The following TULP4 variants were observed in gnomAD, a reference collection of about 807,000 sequenced individuals.
The protein encoded by TULP4 is tubby-related protein 4.
Under a neutral mutation model 129.0 loss-of-function variants are expected in TULP4, and 16 were observed. That is an observed-to-expected ratio of 0.12 (90% CI 0.08 to 0.19). TULP4 has a LOEUF of 0.19. Among genes scored for constraint, TULP4 ranks in the 10% least tolerant of loss-of-function variants. The pLI is 1.00. For missense variants in TULP4, 1,842 were observed against 2,059.1 expected (o/e 0.89, Z 2.04); for synonymous variants, 998 against 854.0 (o/e 1.17, Z -2.94).
chr6:158,304,176 A>G (rs1779175004), intron 1 of TULP4, among the ~76,000 whole-genome samples: 1 of 152,178 alleles, frequency 6.6e-6, no homozygotes, highest in African/African-American at 2.4e-5. Flanking sequence ...CTGATACACC[A>G]TCCTGTCCCT....
chr6:158,371,387 G>A (rs12191776), intron 1 of TULP4, among the ~76,000 whole-genome samples: 16,347 of 152,202 alleles, frequency 0.11, 1,041 homozygotes, highest in Middle Eastern at 0.18. Context: ...CCTACTTCAG[G>A]AGCCAGTTCA....
In TULP4 at chr6:158,502,332, C is replaced by T; in HGVS notation, c.2669C>T (p.Thr890Ile). Residue 890 changes from threonine to isoleucine, a missense_variant, in exon 13 of 14, where the codon ACC becomes ATC. Thr to Ile is a moderately conservative substitution (Grantham distance 89). Transcript: ENST00000367097. ...CCCCTGGGCTATGAGAGGATCACCA[C>T]CTTCGACAGCAGTGGCAACGTGGAG... ...QTPLGYERITTFDSSGNVEEV... is the reference protein window; with the variant it reads ...QTPLGYERITIFDSSGNVEEV... 6.2e-7 allele frequency: 1 copy of T among 1,613,766 alleles called. No homozygotes were observed. The highest frequency in any genetic ancestry group is 8.5e-7 in the Non-Finnish European group (1 of 1,179,936).
At chr6:158,461,541 G>C (rs1462618987) in intron 5 of TULP4, 22 bp from the exon 6 acceptor site, 1 of 1,608,690 alleles carries the variant, frequency 6.2e-7, no homozygotes, top group South Asian at 1.1e-5. Context: ...TCCTTGTGCT[G>C]ACCCTCTCTC....
At chr6:158,349,144 G>C (rs1380320565) in intron 1 of TULP4, among the ~76,000 whole-genome samples, 1 of 142,056 alleles carries the variant, frequency 7.0e-6, no homozygotes, top group African/African-American at 2.7e-5. Context: ...GGGCAGCTGG[G>C]CAGATACACT....
In TULP4 at chr6:158,455,457, C is replaced by T. The variant is rs576024606; in HGVS notation, c.859+3189C>T. On this transcript the variant is annotated intron_variant, in intron 5 of 13. Coordinates refer to ENST00000367097, the MANE Select transcript of TULP4 (RefSeq NM_020245.5). The stretch of plus-strand genomic sequence containing the variant: ...TCAGTTATTTACAGGATGCTTTCAG[C>T]GGGGTACGGTGGCTCACGCCTGTAA... Among the ~76,000 whole-genome samples, 4 of 151,820 alleles carry T rather than the reference C, an allele frequency of 2.6e-5. No homozygotes were observed. The South Asian group carries it at 6.3e-4, about 24-fold the overall frequency.
chr6:158,501,334 G>A (rs997229477), intron 12 of TULP4, among the ~76,000 whole-genome samples: 2 of 152,174 alleles, frequency 1.3e-5, no homozygotes, highest in Non-Finnish European at 2.9e-5. Flanking sequence ...TTGCATAAAA[G>A]GGTGGGTATT....
chr6:158,499,038 G>A (rs1780390427), intron 12 of TULP4, among the ~76,000 whole-genome samples: 1 of 152,222 alleles, frequency 6.6e-6, no homozygotes, highest in South Asian at 2.1e-4. Context: ...GATGGTTCCA[G>A]TAGCAGCGGC....
rs760911898 is a variant in TULP4 at position 158,452,298 on chromosome 6, G to A, written c.859+30G>A. ...AGAATGCTGCACACACCCCAAACCT[G>A]CAGACCGGGCCTGTGTGTGCTTGCC... is the stretch of plus-strand genomic sequence containing the variant. On this transcript the variant is annotated intron_variant, in intron 5 of 13. Coordinates refer to ENST00000367097, the MANE Select transcript of TULP4 (RefSeq NM_020245.5). 9 of 1,610,012 alleles carry A rather than the reference G, an allele frequency of 5.6e-6. No individual in the cohort carries two copies. In the Admixed American group the frequency reaches 1.3e-4, roughly 24 times the overall value.
chr6:158,333,174 G>C (rs1779951627), intron 1 of TULP4, among the ~76,000 whole-genome samples: 1 of 152,128 alleles, frequency 6.6e-6, no homozygotes, highest in East Asian at 1.9e-4. Flanking sequence ...CTGAATGTTT[G>C]TATCCTCCAA....
rs796685023 is a variant in TULP4 at position 158,422,282 on chromosome 6, T to C, written c.382-7454T>C. ...AATAAACAATTTTATGAATGAAAAA[T>C]TGGGCATAGCTATAAATAGAGATTA... On this transcript the variant is annotated intron_variant, in intron 2 of 13. Transcript: ENST00000367097. Among the ~76,000 whole-genome samples the C allele has an allele frequency of 2.0e-5, 3 of 152,032 alleles. No individual in the cohort carries two copies. In the South Asian group the frequency reaches 6.2e-4, roughly 32 times the overall value.
intron 1 of TULP4, among the ~76,000 whole-genome samples, chr6:158,271,765 A>G (rs1778554938): frequency 6.6e-6 from 1 of 152,146 alleles, no homozygotes; most frequent in African/African-American, 2.4e-5. Context: ...GCTTTGATTC[A>G]GGTGTAACTG....
intron 2 of TULP4, among the ~76,000 whole-genome samples, chr6:158,424,473 C>T (rs1778429301): frequency 6.6e-6 from 1 of 152,028 alleles, no homozygotes; most frequent in Non-Finnish European, 1.5e-5. Context: ...TGGTCTTGAA[C>T]TCCTGACCTC....
At chr6:158,500,897 T>A (rs1257045645) in intron 12 of TULP4, among the ~76,000 whole-genome samples, 1 of 152,102 alleles carries the variant, frequency 6.6e-6, no homozygotes. Flanking sequence ...AAACCCCATA[T>A]CTACTAAAAA....
chr6:158,331,955 C>G (rs143960929), intron 1 of TULP4, among the ~76,000 whole-genome samples: 1 of 147,500 alleles, frequency 6.8e-6, no homozygotes, highest in Non-Finnish European at 1.5e-5. Flanking sequence ...GCGGATTACC[C>G]GAGGTCAGGA....
intron 3 of TULP4, among the ~76,000 whole-genome samples, chr6:158,442,788 T>C (rs1427254154): frequency 6.6e-6 from 1 of 151,444 alleles, no homozygotes; most frequent in Non-Finnish European, 1.5e-5. Flanking sequence ...TGTGTACCGT[T>C]CTGGAGATAC....
At chr6:158,449,300 TG>T in intron 4 of TULP4, 124 bp downstream of exon 4, 1 of 996,842 alleles carries the variant, frequency 1.0e-6, no homozygotes, top group Non-Finnish European at 1.4e-6. Context: ...CCGGGCTTCC[TG>T]GGAAGAGTTA....
At chr6:158,407,663 G>A (rs1218230497) in intron 1 of TULP4, among the ~76,000 whole-genome samples, 1 of 152,174 alleles carries the variant, frequency 6.6e-6, no homozygotes, top group African/African-American at 2.4e-5. Flanking sequence ...TATTTAAAAG[G>A]TAAACACTGA....
At chr6:158,242,751 C>A in intron 1 of TULP4, 1 of 451,550 alleles carries the variant, frequency 2.2e-6, no homozygotes. Flanking sequence ...CAGGAAGTTG[C>A]TGTTCTGGCC....
chr6:158,401,161 C>T (rs1777838632), intron 1 of TULP4, among the ~76,000 whole-genome samples: 1 of 152,020 alleles, frequency 6.6e-6, no homozygotes, highest in African/African-American at 2.4e-5. Flanking sequence ...GCAGCCTGGA[C>T]ATCATGAGCT....
Sources: gnomAD v4.1 joint callset for allele counts (sites outside exome capture counted in the v4.1 genomes callset) on GRCh38, gnomAD v4.1.1 for gene constraint, MANE v1.5 for transcripts, NCBI Gene and HGNC (gene_info 2026-07-23, HGNC 2026-07-21) for gene names.